TEAD1: variants seen among roughly 807,000 people sequenced by gnomAD.
The protein encoded by TEAD1 is TEA domain transcription factor 1.
TEAD1 carries 9 observed loss-of-function variants against 54.9 expected under a neutral mutation model. The ratio of observed to expected loss-of-function variants is 0.16; its 90% CI spans 0.10 to 0.29. The LOEUF (loss-of-function observed/expected upper bound fraction) is 0.29, where lower values mean the gene tolerates loss of function less well. TEAD1 is among the 10% of genes least tolerant of loss of function. The pLI, the probability that TEAD1 is intolerant of heterozygous loss-of-function variation, is 1.00. For missense variants in TEAD1, 387 were observed against 535.9 expected (o/e 0.72, Z 2.74); for synonymous variants, 200 against 187.8 (o/e 1.07, Z -0.53).
intron 2 of TEAD1, among the ~76,000 whole-genome samples, chr11:12,676,422 A>T (rs1253338006): frequency 1.3e-5 from 2 of 152,158 alleles, no homozygotes; most frequent in African/African-American, 4.8e-5. Context: ...CTGGTCTTCT[A>T]CGGATAGGGG....
At chr11:12,880,177 CT>C (rs1222990731) in intron 6 of TEAD1, among the ~76,000 whole-genome samples, 1 of 152,190 alleles carries the variant, frequency 6.6e-6, no homozygotes, top group Admixed American at 6.5e-5. Context: ...CAGGCGTCTT[CT>C]CTCTTTATCT....
chr11:12,693,715 G>A (rs537948966), intron 2 of TEAD1, among the ~76,000 whole-genome samples: 1 of 152,250 alleles, frequency 6.6e-6, no homozygotes, highest in East Asian at 1.9e-4. Context: ...ATATTCATTT[G>A]CAAATAAGAG....
At chr11:12,805,784 G>A (rs1946158300) in intron 3 of TEAD1, among the ~76,000 whole-genome samples, 2 of 152,212 alleles carry the variant, frequency 1.3e-5, no homozygotes, top group South Asian at 2.1e-4. Context: ...AGCATTGATT[G>A]ATACACCTTG....
intron 2 of TEAD1, among the ~76,000 whole-genome samples, chr11:12,744,112 A>G (rs1281685426): frequency 6.6e-6 from 1 of 152,194 alleles, no homozygotes; most frequent in Non-Finnish European, 1.5e-5. Context: ...GCTAGGCCAG[A>G]TTATCCCCAA....
chr11:12,698,378 T>G (rs1281298789), intron 2 of TEAD1, among the ~76,000 whole-genome samples: 1 of 151,822 alleles, frequency 6.6e-6, no homozygotes, highest in Non-Finnish European at 1.5e-5. Flanking sequence ...GCAGGTGGGG[T>G]CTGGAGATGG....
At chr11:12,923,682 T>C (rs1330574993) in intron 10 of TEAD1, among the ~76,000 whole-genome samples, 1 of 152,164 alleles carries the variant, frequency 6.6e-6, no homozygotes, top group Middle Eastern at 3.2e-3. Flanking sequence ...CTCACATTTC[T>C]AGAGGCTGGG....
At chr11:12,770,756 A>G (rs1341777616) in intron 3 of TEAD1, among the ~76,000 whole-genome samples, 1 of 152,192 alleles carries the variant, frequency 6.6e-6, no homozygotes. Flanking sequence ...GGAAGGAAGT[A>G]TATTCTGTAC....
chr11:12,696,638 T>TA (rs1344205360), intron 2 of TEAD1, among the ~76,000 whole-genome samples: 2 of 152,186 alleles, frequency 1.3e-5, no homozygotes, highest in African/African-American at 4.8e-5. Context: ...CGTATTCCCT[T>TA]ACCGTTTTTT....
At chr11:12,851,162 T>A in intron 3 of TEAD1, 1 of 886,648 alleles carries the variant, frequency 1.1e-6, no homozygotes, top group Non-Finnish European at 1.4e-6. Flanking sequence ...TGATCTCACT[T>A]ATACGTGGAA....
chr11:12,911,842 C>G (rs1261970708), intron 10 of TEAD1, among the ~76,000 whole-genome samples: 2 of 152,106 alleles, frequency 1.3e-5, no homozygotes, highest in Non-Finnish European at 2.9e-5. Context: ...TGGGATTGCT[C>G]CTTCCTGGTT....
intron 3 of TEAD1, among the ~76,000 whole-genome samples, chr11:12,834,579 G>A (rs1260138447): frequency 6.6e-6 from 1 of 152,112 alleles, no homozygotes; most frequent in African/African-American, 2.4e-5. Context: ...GTAGACACTT[G>A]ATAAATGGTA....
chr11:12,785,929 C>T (rs867664422), intron 3 of TEAD1, among the ~76,000 whole-genome samples: 1 of 152,148 alleles, frequency 6.6e-6, no homozygotes, highest in Non-Finnish European at 1.5e-5. Context: ...TTGCACGTAG[C>T]GTAAGATGGC....
chr11:12,781,636 G>A (rs1287189473), intron 3 of TEAD1, among the ~76,000 whole-genome samples: 2 of 125,954 alleles, frequency 1.6e-5, no homozygotes, highest in African/African-American at 6.8e-5. Flanking sequence ...CTCTTAGGAT[G>A]GCTATCATTA....
At chr11:12,734,191 C>G (rs528926250) in intron 2 of TEAD1, among the ~76,000 whole-genome samples, 82 of 152,172 alleles carry the variant, frequency 5.4e-4, no homozygotes, top group African/African-American at 1.9e-3. Flanking sequence ...GCTGGGATTA[C>G]ATTGTGAGCC....
intron 3 of TEAD1, among the ~76,000 whole-genome samples, chr11:12,780,326 C>T (rs933372427): frequency 6.6e-6 from 1 of 151,500 alleles, no homozygotes; most frequent in African/African-American, 2.4e-5. Context: ...TCACTACAAC[C>T]TCCGCCTCCC....
chr11:12,816,618 G>A (rs1285102684), intron 3 of TEAD1, among the ~76,000 whole-genome samples: 1 of 152,196 alleles, frequency 6.6e-6, no homozygotes, highest in Non-Finnish European at 1.5e-5. Context: ...TGGTGATGCA[G>A]TGGGCCAGTG....
chr11:12,890,382 T>C (rs1292001387), intron 9 of TEAD1, among the ~76,000 whole-genome samples: 1 of 152,192 alleles, frequency 6.6e-6, no homozygotes, highest in Non-Finnish European at 1.5e-5. Flanking sequence ...TGGAAAATTG[T>C]CTTCCACAAA....
intron 3 of TEAD1, among the ~76,000 whole-genome samples, chr11:12,773,919 G>T (rs1945364913): frequency 6.6e-6 from 1 of 152,156 alleles, no homozygotes; most frequent in South Asian, 2.1e-4. Context: ...GTTTATAGTT[G>T]TATGTTTTAA....
chr11:12,701,907 CAA>C (rs1790869534), intron 2 of TEAD1, among the ~76,000 whole-genome samples: 1 of 152,136 alleles, frequency 6.6e-6, no homozygotes, highest in Non-Finnish European at 1.5e-5. Flanking sequence ...AAATTCTATC[CAA>C]AGAGTGGCAG....
Sources: gnomAD v4.1 joint callset for allele counts (sites outside exome capture counted in the v4.1 genomes callset) on GRCh38, gnomAD v4.1.1 for gene constraint, MANE v1.5 for transcripts, NCBI Gene and HGNC (gene_info 2026-07-23, HGNC 2026-07-21) for gene names.